The following GALNT13 variants were observed in gnomAD, a reference collection of about 807,000 sequenced individuals.
The protein encoded by GALNT13 is polypeptide N-acetylgalactosaminyltransferase 13, also known as UDP-GalNAc:polypeptide N-acetylgalactosaminyltransferase 13.
A neutral mutation model predicts 64.2 loss-of-function variants in GALNT13; 28 were observed. The ratio of observed to expected loss-of-function variants is 0.44; its 90% CI spans 0.32 to 0.60. The LOEUF (loss-of-function observed/expected upper bound fraction) is 0.60, where lower values mean the gene tolerates loss of function less well. Among genes scored for constraint, GALNT13 ranks in the 20% least tolerant of loss-of-function variants. The pLI is 0.05. For synonymous variants in GALNT13, 214 were observed against 224.6 expected (o/e 0.95, Z 0.42); for missense variants, 577 against 669.8 (o/e 0.86, Z 1.53).
At chr2:153,778,517 A>G in the GALNT13 span, among the ~76,000 whole-genome samples, 1 of 152,196 alleles carries the variant, frequency 6.6e-6, no homozygotes, top group South Asian at 2.1e-4. Context: ...GAGGTGAGGA[A>G]GTGCAATTCT....
At chr2:154,062,953 A>G (rs1355921655) in intron 3 of GALNT13, among the ~76,000 whole-genome samples, 1 of 151,848 alleles carries the variant, frequency 6.6e-6, no homozygotes, top group Non-Finnish European at 1.5e-5. Flanking sequence ...CATCGATGTG[A>G]TCTGCTTTTT....
At chr2:154,048,433 T>A (rs1699400858) in intron 3 of GALNT13, among the ~76,000 whole-genome samples, 1 of 152,158 alleles carries the variant, frequency 6.6e-6, no homozygotes, top group Non-Finnish European at 1.5e-5. Context: ...ACAAATAAAA[T>A]ACTGTTTGGG....
the GALNT13 span, among the ~76,000 whole-genome samples, chr2:153,775,896 T>C: frequency 6.6e-6 from 1 of 152,156 alleles, no homozygotes; most frequent in African/African-American, 2.4e-5. Flanking sequence ...TTTTATTCTT[T>C]CTTTTTTTAA....
intron 3 of GALNT13, among the ~76,000 whole-genome samples, chr2:154,012,643 G>C (rs980844665): frequency 6.6e-6 from 1 of 152,090 alleles, no homozygotes; most frequent in East Asian, 1.9e-4. Context: ...TTTGTGGACT[G>C]TATCCTCAAA....
the GALNT13 span, among the ~76,000 whole-genome samples, chr2:153,152,872 C>T: frequency 2.6e-5 from 4 of 152,024 alleles, no homozygotes; most frequent in Non-Finnish European, 4.4e-5. Flanking sequence ...TGAACATACA[C>T]GTGCATGTGT....
chr2:153,574,792 T>C, the GALNT13 span, among the ~76,000 whole-genome samples: 1 of 152,092 alleles, frequency 6.6e-6, no homozygotes, highest in Admixed American at 6.5e-5. Flanking sequence ...TGAATTTCTT[T>C]GAGTTTCTTC....
At chr2:154,172,016 C>T (rs1037307634) in intron 4 of GALNT13, among the ~76,000 whole-genome samples, 13 of 150,774 alleles carry the variant, frequency 8.6e-5, no homozygotes, top group Non-Finnish European at 1.9e-4. Flanking sequence ...AATGCTAAGC[C>T]AGTAATAAAT....
chr2:153,655,075 C>T, the GALNT13 span, among the ~76,000 whole-genome samples: 1 of 152,062 alleles, frequency 6.6e-6, no homozygotes, highest in African/African-American at 2.4e-5. Flanking sequence ...TTTTGATCAA[C>T]TTTTAGATTA....
chr2:154,174,543 T>C (rs2105710638), intron 4 of GALNT13, among the ~76,000 whole-genome samples: 1 of 152,270 alleles, frequency 6.6e-6, no homozygotes, highest in African/African-American at 2.4e-5. Context: ...CTTTGAAAAG[T>C]GAACATTAAC....
At chr2:153,956,088 A>C (rs1400779161) in intron 3 of GALNT13, among the ~76,000 whole-genome samples, 1 of 152,240 alleles carries the variant, frequency 6.6e-6, no homozygotes, top group African/African-American at 2.4e-5. Context: ...TCTAAGCAAA[A>C]ACCAAAAGCC....
the GALNT13 span, among the ~76,000 whole-genome samples, chr2:153,215,732 A>C: frequency 1.3e-5 from 2 of 151,428 alleles, no homozygotes; most frequent in Non-Finnish European, 3.0e-5. Flanking sequence ...TTTCCATTAG[A>C]AGGAAATTCA....
intron 3 of GALNT13, among the ~76,000 whole-genome samples, chr2:154,096,039 T>C (rs1314020819): frequency 3.3e-5 from 5 of 152,012 alleles, no homozygotes; most frequent in African/African-American, 1.2e-4. Context: ...TTATATTCTA[T>C]ATAATGCCAA....
chr2:153,634,207 A>G, the GALNT13 span, among the ~76,000 whole-genome samples: 7 of 152,310 alleles, frequency 4.6e-5, no homozygotes, highest in African/African-American at 1.7e-4. Flanking sequence ...TTTATTCAGA[A>G]AAAACACTTG....
the GALNT13 span, among the ~76,000 whole-genome samples, chr2:153,214,505 G>T: frequency 6.6e-6 from 1 of 152,138 alleles, no homozygotes; most frequent in Non-Finnish European, 1.5e-5. Flanking sequence ...AAAACAGATT[G>T]CATGCCATTG....
chr2:154,315,338 T>G (rs17204619), intron 9 of GALNT13, among the ~76,000 whole-genome samples: 31,071 of 152,154 alleles, frequency 0.2, 4,056 homozygotes, highest in Admixed American at 0.32. Flanking sequence ...CAGTAAATCT[T>G]CAATAGGGAA....
At chr2:153,854,143 A>G in the GALNT13 span, among the ~76,000 whole-genome samples, 1 of 151,994 alleles carries the variant, frequency 6.6e-6, no homozygotes. Flanking sequence ...AACCTAAAAA[A>G]CCCAAAGTAA....
chr2:154,314,720 G>A (rs771055672), intron 9 of GALNT13, among the ~76,000 whole-genome samples: 1 of 152,124 alleles, frequency 6.6e-6, no homozygotes, highest in East Asian at 1.9e-4. Context: ...GAAACTAATT[G>A]AGTGAGAACT....
chr2:154,167,155 A>AAAAT (rs141581120), intron 4 of GALNT13, among the ~76,000 whole-genome samples: 252 of 152,282 alleles, frequency 1.7e-3, no homozygotes, highest in Middle Eastern at 3.4e-3. Flanking sequence ...ATTAAAAAGA[A>AAAAT]AAATAAATAA....
the GALNT13 span, among the ~76,000 whole-genome samples, chr2:153,086,412 C>T: frequency 3.9e-5 from 6 of 152,054 alleles, no homozygotes; most frequent in Admixed American, 6.6e-5. Flanking sequence ...TCCCATGTGC[C>T]AAGGGTGGGG....
Sources: allele counts gnomAD v4.1 joint callset (sites outside exome capture counted in the v4.1 genomes callset), GRCh38; gene constraint gnomAD v4.1.1; transcripts MANE v1.5; gene names NCBI Gene and HGNC (gene_info 2026-07-23, HGNC 2026-07-21).